The following SPATA6L variants were observed in gnomAD, a reference collection of about 807,000 sequenced individuals.
SPATA6L encodes the protein spermatogenesis associated 6-like protein.
A neutral mutation model predicts 49.2 loss-of-function variants in SPATA6L; 68 were observed. That is an observed-to-expected ratio of 1.38 (90% confidence interval 1.14 to 1.69). The LOEUF (loss-of-function observed/expected upper bound fraction) is 1.69, where lower values mean the gene tolerates loss of function less well. Ranked by LOEUF, SPATA6L falls within the 40% of genes most tolerant of loss-of-function variation. The pLI, the probability that SPATA6L is intolerant of heterozygous loss-of-function variation, is 0.00. For synonymous variants in SPATA6L, 198 were observed against 165.7 expected (o/e 1.19, Z -1.50); for missense variants, 668 against 464.3 (o/e 1.44, Z -4.03).
At chr9:4,622,340 A>C in intron 7 of SPATA6L, 68 bp downstream of exon 7, 1 of 919,346 alleles carries the variant, frequency 1.1e-6, no homozygotes, top group Admixed American at 1.9e-5. Flanking sequence ...CCTCAGAATG[A>C]AAGAGTATAC....
intron 3 of SPATA6L, chr9:4,646,562 A>G: frequency 7.3e-7 from 1 of 1,368,878 alleles, no homozygotes; most frequent in Non-Finnish European, 9.8e-7. Flanking sequence ...TAATACTTCC[A>G]AAAATTGCCA....
chr9:4,642,465 C>A (rs1330705485), intron 3 of SPATA6L, among the ~76,000 whole-genome samples: 1 of 152,188 alleles, frequency 6.6e-6, no homozygotes, highest in Non-Finnish European at 1.5e-5. Context: ...AGCACCTATT[C>A]TTAAATTCAC....
At position 4,608,802 on chromosome 9, in the gene SPATA6L, G is replaced by T. The variant is rs999243532; in HGVS notation, c.996-3362C>A. ...GCAAGAAATAACTAAAATCAGAGCA[G>T]AACTGAAGGAAATAGAGACACAAAA... On this transcript the variant is annotated intron_variant, in intron 9 of 11. Transcript: ENST00000682582. Among the ~76,000 whole-genome samples, 1,020 of 151,858 alleles carry T rather than the reference G, an allele frequency of 6.7e-3. 10 individuals carry two copies. Among genetic ancestry groups the T allele is most frequent in the African/African-American group, 0.023 (934 of 41,286 alleles).
chr9:4,611,369 C>A (rs36181392), intron 9 of SPATA6L, among the ~76,000 whole-genome samples: 3 of 143,254 alleles, frequency 2.1e-5, no homozygotes, highest in Non-Finnish European at 4.4e-5. Flanking sequence ...TGCGGCACTA[C>A]TCACAATAGC....
intron 3 of SPATA6L, among the ~76,000 whole-genome samples, chr9:4,636,248 G>C (rs755414394): frequency 6.6e-6 from 1 of 151,860 alleles, no homozygotes; most frequent in Non-Finnish European, 1.5e-5. Flanking sequence ...CCATCTAAAT[G>C]CTTCATTATG....
chr9:4,652,172 G>A (rs569344147), intron 3 of SPATA6L, among the ~76,000 whole-genome samples: 1 of 152,304 alleles, frequency 6.6e-6, no homozygotes, highest in East Asian at 1.9e-4. Context: ...TGTAATCCCA[G>A]CACTTTCGGA....
In SPATA6L at chr9:4,605,350, GT is replaced by G. The variant is rs1824499211; in HGVS notation, c.1085del (p.Asn362ThrfsTer9). 6.2e-7 allele frequency: 1 copy of G among 1,612,646 alleles called. No homozygotes were observed. The highest frequency in any genetic ancestry group is 8.5e-7 in the Non-Finnish European group (1 of 1,178,712). On this transcript the variant is annotated frameshift_variant, in exon 10 of 12. Coordinates refer to ENST00000682582, the MANE Select transcript of SPATA6L (RefSeq NM_001353486.2). LOFTEE classifies it high-confidence loss of function. ...TAGTTTTATAAGAAAGTCTAACCTTGTTTTGGTGCAGCTGTGCTCTGTGGGA... is the reference window on the plus strand; with the variant it reads ...TAGTTTTATAAGAAAGTCTAACCTTGTTTGGTGCAGCTGTGCTCTGTGGGA... ...LTSHRAQLHQNKEDSTSEVNY... is the reference protein window; with the variant it reads ...LTSHRAQLHQXKEDSTSEVNY...
intron 3 of SPATA6L, among the ~76,000 whole-genome samples, chr9:4,650,856 G>C (rs202163782): frequency 1.3e-5 from 1 of 74,358 alleles, no homozygotes; most frequent in African/African-American, 4.8e-5. Flanking sequence ...GTGTGTGTGT[G>C]TGTGTGTGTG....
intron 9 of SPATA6L, among the ~76,000 whole-genome samples, chr9:4,613,054 C>T (rs1827145179): frequency 6.6e-6 from 1 of 151,836 alleles, no homozygotes; most frequent in Non-Finnish European, 1.5e-5. Flanking sequence ...GTAGTGAAAC[C>T]CCATCTCTAC....
intron 1 of SPATA6L, chr9:4,664,974 C>T (rs1165738771): frequency 6.0e-6 from 1 of 167,094 alleles, no homozygotes; most frequent in African/African-American, 2.4e-5. Context: ...CAGCAATATT[C>T]AAGCCAGATA....
chr9:4,622,324 G>GTGAT (rs1829509321), intron 7 of SPATA6L, 84 bp downstream of exon 7: 1 of 836,628 alleles, frequency 1.2e-6, no homozygotes, highest in Admixed American at 2.0e-5. Context: ...AACATCACCT[G>GTGAT]TGATTCCTCA....
intron 8 of SPATA6L, 125 bp from the exon 9 acceptor site, chr9:4,618,235 C>A (rs1328072107): frequency 2.8e-6 from 2 of 716,476 alleles, no homozygotes; most frequent in Admixed American, 5.9e-5. Context: ...CCCCAGGGAT[C>A]TCCTGCAAAT....
At chr9:4,623,194 C>T (rs1360471968) in intron 6 of SPATA6L, among the ~76,000 whole-genome samples, 1 of 152,140 alleles carries the variant, frequency 6.6e-6, no homozygotes, top group African/African-American at 2.4e-5. Context: ...GCAGGAGAAT[C>T]GCTTGAACCC....
chr9:4,600,846 T>C (rs1176293796), intron 11 of SPATA6L, 37 bp from the exon 12 acceptor site: 2 of 152,204 alleles, frequency 1.3e-5, no homozygotes, highest in African/African-American at 4.8e-5. Context: ...ACATGTGGTA[T>C]TGAGAAAAAG....
chr9:4,624,638 G>A (rs982132194), intron 6 of SPATA6L, among the ~76,000 whole-genome samples: 2 of 149,366 alleles, frequency 1.3e-5, no homozygotes, highest in African/African-American at 5.0e-5. Context: ...TGAGGCAGGA[G>A]AATCACTAGA....
intron 3 of SPATA6L, among the ~76,000 whole-genome samples, chr9:4,647,475 C>T (rs1273533079): frequency 1.3e-5 from 2 of 152,042 alleles, no homozygotes; most frequent in Non-Finnish European, 2.9e-5. Context: ...GCCTGTAATC[C>T]CAGCTACTCG....
chr9:4,641,965 A>T (rs1290412431), intron 3 of SPATA6L, among the ~76,000 whole-genome samples: 1 of 152,150 alleles, frequency 6.6e-6, no homozygotes, highest in African/African-American at 2.4e-5. Context: ...ATGAGGTTTC[A>T]CCATGTTTCC....
chr9:4,599,542 G>A lies in SPATA6L; in HGVS notation c.*1269C>T, dbSNP rs10758634. Among the ~76,000 whole-genome samples, 89,830 of 151,986 alleles carry A rather than the reference G, an allele frequency of 0.59. 28,355 individuals carry two copies. The highest frequency in any genetic ancestry group is 0.74 in the Middle Eastern group (217 of 294). On this transcript the variant is annotated 3_prime_UTR_variant, in exon 12 of 12. Coordinates refer to ENST00000682582, the MANE Select transcript of SPATA6L (RefSeq NM_001353486.2). ...TGCTATAACAAAATGTCATAAACTG[G>A]GTAGCTTACAAACTACAGGAATTCA...
rs301458 is a variant in SPATA6L at position 4,606,556 on chromosome 9, C to G, written c.996-1116G>C. 1.2e-4 allele frequency among the ~76,000 whole-genome samples: 4 copies of G among 33,520 alleles called. 2 individuals carry two copies. The highest frequency in any genetic ancestry group is 2.9e-4 in the Non-Finnish European group (4 of 13,628). The allele number at this position is 33,520 out of a possible 152,430, so 22.0% of individuals were successfully genotyped here. The stretch of plus-strand genomic sequence containing the variant: ...GGGGCACACTGACACCTCACACGGC[C>G]GGGTACTCCAACAGACCTGCAGCTG... On this transcript the variant is annotated intron_variant, in intron 9 of 11. Coordinates refer to ENST00000682582, the MANE Select transcript of SPATA6L (RefSeq NM_001353486.2).
Sources: allele counts gnomAD v4.1 joint callset (sites outside exome capture counted in the v4.1 genomes callset), GRCh38; gene constraint gnomAD v4.1.1; transcripts MANE v1.5; gene names NCBI Gene and HGNC (gene_info 2026-07-23, HGNC 2026-07-21).